SPO11: variants seen among roughly 807,000 people sequenced by gnomAD.
The protein encoded by SPO11 is meiotic recombination protein SPO11.
SPO11 carries 49 observed loss-of-function variants against 51.6 expected under a neutral mutation model. The ratio of observed to expected loss-of-function variants is 0.95; its 90% CI spans 0.75 to 1.20. The LOEUF is 1.20. Ranked by LOEUF, SPO11 falls within the 50% of genes most tolerant of loss-of-function variation. The pLI, the probability that SPO11 is intolerant of heterozygous loss-of-function variation, is 0.00. For missense variants in SPO11, 431 were observed against 473.4 expected, an observed-to-expected ratio of 0.91 and a Z score of 0.83; for synonymous variants, 176 against 158.2, an observed-to-expected ratio of 1.11 and a Z score of -0.84.
rs1247152930 is a variant in SPO11, at chr20:57,335,779, A to G, written c.635-19A>G. 3 of 1,427,278 alleles carry G rather than the reference A, an allele frequency of 2.1e-6. No individual in the cohort carries two copies. The highest frequency in any genetic ancestry group is 1.2e-5 in the South Asian group (1 of 85,136). 88.4% of individuals were successfully genotyped at this position (1,427,278 alleles called of 1,614,324 possible). On this transcript the variant is annotated intron_variant, in intron 7 of 12. Transcript: ENST00000371263. ...ATTGAAATACTCTTGCTTTCAATTT[A>G]TCAGCCTTAACTTCACAGATTTAGT...
chr20:57,337,584 C>T, intron 8 of SPO11, among the ~76,000 whole-genome samples: 1 of 152,280 alleles, frequency 6.6e-6, no homozygotes, highest in African/African-American at 2.4e-5. Context: ...TAGTTTGCGC[C>T]ATTTTAAATA....
At chr20:57,337,682 G>C (rs990567671) in intron 8 of SPO11, 17 of 1,136,586 alleles carry the variant, frequency 1.5e-5, no homozygotes, top group Non-Finnish European at 1.9e-5. Context: ...TCCTAGGACT[G>C]GCATAATTCC....
At chr20:57,330,819 G>A (rs2066440451) in intron 1 of SPO11, among the ~76,000 whole-genome samples, 1 of 152,172 alleles carries the variant, frequency 6.6e-6, no homozygotes, top group Non-Finnish European at 1.5e-5. Context: ...GGGAAAAGGA[G>A]AGTGGCAAGT....
chr20:57,338,691 C>T (rs970717849), intron 9 of SPO11, among the ~76,000 whole-genome samples: 1 of 151,898 alleles, frequency 6.6e-6, no homozygotes, highest in African/African-American at 2.4e-5. Context: ...GTAATCTGCC[C>T]ACCTCGGCAT....
intron 12 of SPO11, 148 bp from the exon 13 acceptor site, chr20:57,343,193 C>A: frequency 2.5e-6 from 2 of 810,026 alleles, no homozygotes; most frequent in Non-Finnish European, 3.9e-6. Context: ...ATATTTTTAG[C>A]TGTAGCAGCT....
intron 1 of SPO11, among the ~76,000 whole-genome samples, chr20:57,331,251 T>A (rs1366830983): frequency 1.3e-5 from 2 of 152,240 alleles, no homozygotes; most frequent in East Asian, 1.9e-4. Flanking sequence ...GAACTCACAA[T>A]TTATTCTTTC....
At chr20:57,333,070 C>T in intron 2 of SPO11, 118 bp from the exon 3 acceptor site, 1 of 689,796 alleles carries the variant, frequency 1.4e-6, no homozygotes. Context: ...AGCTTCAGTG[C>T]TTAAATTGAG....
At chr20:57,330,307 T>C (rs369454108) in intron 1 of SPO11, among the ~76,000 whole-genome samples, 51 of 152,308 alleles carry the variant, frequency 3.3e-4, no homozygotes, top group African/African-American at 1.2e-3. Context: ...TTGGGGAGTT[T>C]GGGGTACAGT....
chr20:57,342,950 C>T (rs4810063), intron 12 of SPO11, 110 bp downstream of exon 12: 9,857 of 753,212 alleles, frequency 0.013, 378 homozygotes, highest in Admixed American at 0.12. Context: ...TTATATGACA[C>T]GACTAACATA....
chr20:57,336,320 A>G (rs1160901724), intron 8 of SPO11, among the ~76,000 whole-genome samples: 9 of 152,130 alleles, frequency 5.9e-5, no homozygotes, highest in Non-Finnish European at 1.0e-4. Flanking sequence ...CTCACATCCC[A>G]TGGTCACCAA....
In SPO11 at chr20:57,340,108, T is replaced by C; in HGVS notation, c.889T>C (p.Ser297Pro). The change falls in exon 11 of 13, where the codon TCT becomes CCT. Residue 297 changes from serine to proline, a missense_variant. Transcript: ENST00000371263. Reference sequence around the variant, plus strand: ...CTTTTGTTCTTTATTTTAGTCTATGTCTTTTGAAGCTCATCATCTCACAGT... The same window carrying C: ...CTTTTGTTCTTTATTTTAGTCTATGCCTTTTGAAGCTCATCATCTCACAGT... ...CIYKYGSMSMSFEAHHLTVPA... is the reference protein window; with the variant it reads ...CIYKYGSMSMPFEAHHLTVPA... 1 of 1,608,634 alleles carries C rather than the reference T, an allele frequency of 6.2e-7. No individual in the cohort carries two copies. Among genetic ancestry groups the C allele is most frequent in the Non-Finnish European group, 8.5e-7 (1 of 1,175,066 alleles).
intron 2 of SPO11, 31 bp from the exon 3 acceptor site, chr20:57,333,157 C>T: frequency 6.4e-7 from 1 of 1,550,706 alleles, no homozygotes; most frequent in South Asian, 1.2e-5. Context: ...GTCTTTTTCA[C>T]TTTTTTCCTT....
intron 5 of SPO11, 33 bp downstream of exon 5, chr20:57,334,128 T>A: frequency 1.8e-6 from 2 of 1,121,694 alleles, no homozygotes; most frequent in Non-Finnish European, 2.5e-6. Context: ...CATTTTATTT[T>A]AAAACAAAAT....
rs182645593 is a variant in SPO11, at chr20:57,342,924, T to C, written c.1071+84T>C. ...GGCTATTCACATCGTATTTTGAAAA[T>C]ATCCCTCTTGAAATTTTATATGACA... On this transcript the variant is annotated intron_variant, in intron 12 of 12. Coordinates refer to ENST00000371263, the MANE Select transcript of SPO11 (RefSeq NM_012444.3). 5.1e-5 allele frequency: 49 copies of C among 952,892 alleles called. No individual in the cohort carries two copies. The East Asian group carries it at 7.9e-4, about 15-fold the overall frequency. The allele number at this position is 952,892 out of a possible 1,614,324, so 59.0% of individuals were successfully genotyped here.
In SPO11 at chr20:57,333,268, A is replaced by C; in HGVS notation, c.326A>C (p.Gln109Pro). 6.2e-7 allele frequency: 1 copy of C among 1,603,926 alleles called. No individual in the cohort carries two copies. Among genetic ancestry groups the C allele is most frequent in the South Asian group, 1.1e-5 (1 of 88,256 alleles). Residue 109 changes from glutamine (Q) to proline (P), a missense_variant, in exon 3 of 13, where the codon CAA becomes CCA. Coordinates refer to ENST00000371263, the MANE Select transcript of SPO11 (RefSeq NM_012444.3). ...AAAAGTGATTCACCAAAATCAGCTC[A>C]AAAATTTTGTAAGTTAATTGTTCTT... ...KIKSDSPKSAQKFSLILKILS... is the reference protein window; with the variant it reads ...KIKSDSPKSAPKFSLILKILS...
At chr20:57,333,376 AATAG>A (rs2066472574) in intron 3 of SPO11, 100 bp downstream of exon 3, 2 of 789,088 alleles carry the variant, frequency 2.5e-6, no homozygotes, top group East Asian at 2.7e-5. Flanking sequence ...ACCTGTTTTT[AATAG>A]ATCACTTTCA....
At chr20:57,335,667 T>G (rs2066503942) in intron 7 of SPO11, 131 bp from the exon 8 acceptor site, 1 of 697,346 alleles carries the variant, frequency 1.4e-6, no homozygotes, top group Admixed American at 2.9e-5. Context: ...TAGATGTGTT[T>G]ATATGTTTGA....
chr20:57,342,707 T>C, intron 11 of SPO11, 22 bp from the exon 12 acceptor site: 3 of 1,514,876 alleles, frequency 2.0e-6, no homozygotes, highest in Non-Finnish European at 2.7e-6. Flanking sequence ...TTTACTGATT[T>C]TTTTCACCTA....
At position 57,329,954 on chromosome 20, in the gene SPO11, A is replaced by G. The variant is rs140166023; in HGVS notation, c.87A>G (p.Arg29=). The G allele has an allele frequency of 3.8e-3, 6,054 of 1,612,380 alleles. 14 individuals carry two copies. The highest frequency in any genetic ancestry group is 4.7e-3 in the Non-Finnish European group (5,533 of 1,179,570). ...AGTCCCTGCTGGCTGCCCTGAGGAG[A>G]GGTGGCAGGGAGCCCCCAACTGGGG... ...HRESLLAALR[R]GGREPPTGGS... Residue 29 remains arginine (R), a synonymous_variant, in exon 1 of 13, where the codon AGA becomes AGG. Coordinates refer to ENST00000371263, the MANE Select transcript of SPO11 (RefSeq NM_012444.3).
Sources: gnomAD v4.1 joint callset for allele counts (sites outside exome capture counted in the v4.1 genomes callset) on GRCh38, gnomAD v4.1.1 for gene constraint, MANE v1.5 for transcripts, NCBI Gene and HGNC (gene_info 2026-07-23, HGNC 2026-07-21) for gene names.